Variants in FAM50B observed in about 807,000 individuals in gnomAD.
The protein encoded by FAM50B is protein FAM50B.
Under a neutral mutation model 25.4 loss-of-function variants are expected in FAM50B, and 9 were observed. The observed-to-expected ratio is 0.35, with a 90% CI of 0.21 to 0.62. FAM50B has a LOEUF of 0.62. Ranked by LOEUF, FAM50B falls within the 20% of genes least tolerant of loss-of-function variation. FAM50B has a pLI of 0.73. For missense variants in FAM50B, 372 were observed against 477.9 expected (o/e 0.78, Z 2.07); for synonymous variants, 212 against 204.3 (o/e 1.04, Z -0.32).
chr6:3,842,195 G>A, the FAM50B span, among the ~76,000 whole-genome samples: 662 of 152,382 alleles, frequency 4.3e-3, 7 homozygotes, highest in African/African-American at 0.015. Context: ...GCTAAGGGCA[G>A]TATTGAAAAC....
At chr6:3,834,224 A>C in the FAM50B span, among the ~76,000 whole-genome samples, 1 of 152,224 alleles carries the variant, frequency 6.6e-6, no homozygotes, top group South Asian at 2.1e-4. Flanking sequence ...GAGTGAGAAT[A>C]TGATATATTC....
upstream of FAM50B, among the ~76,000 whole-genome samples, chr6:3,846,621 T>C (rs1044816590): frequency 6.6e-6 from 1 of 152,240 alleles, no homozygotes; most frequent in African/African-American, 2.4e-5. Context: ...TAACATGTAA[T>C]GCTGTTTGAA....
In FAM50B at chr6:3,850,498, C is replaced by T. The variant is rs763167959; in HGVS notation, c.687C>T (p.Ser229=). The T allele has an allele frequency of 3.1e-6, 5 of 1,613,548 alleles. No homozygotes were observed. Among genetic ancestry groups the T allele is most frequent in the African/African-American group, 1.3e-5 (1 of 74,940 alleles). ...GCAAGGACTTCCTGGAGCTGCGCTCCGCCGGCGTGGAGCAGCTCATGTTCA... is the reference window on the plus strand; with the variant it reads ...GCAAGGACTTCCTGGAGCTGCGCTCTGCCGGCGTGGAGCAGCTCATGTTCA... ...GLRKDFLELR[S]AGVEQLMFIK... Residue 229 remains serine, a synonymous_variant, in exon 2 of 2, where the codon TCC becomes TCT. Coordinates refer to ENST00000648326, the MANE Select transcript of FAM50B (RefSeq NM_012135.3).
the FAM50B span, among the ~76,000 whole-genome samples, chr6:3,837,396 TA>T: frequency 6.6e-6 from 1 of 151,964 alleles, no homozygotes; most frequent in South Asian, 2.1e-4. Context: ...ACAACCCAAT[TA>T]AAAAATGAAC....
chr6:3,849,568 G>A (rs558858523), intron 1 of FAM50B, 82 bp downstream of exon 1: 32 of 604,644 alleles, frequency 5.3e-5, no homozygotes, highest in Middle Eastern at 4.7e-4. Context: ...GCAGCCACCC[G>A]TTACGTGGGG....
Position 3,850,946 on chromosome 6 carries a change from T to A in FAM50B, c.*157T>A. 8.0e-7 allele frequency: 1 copy of A among 1,249,744 alleles called. No individual in the cohort carries two copies. Among genetic ancestry groups the A allele is most frequent in the Non-Finnish European group, 1.1e-6 (1 of 916,022 alleles). 77.4% of individuals were successfully genotyped at this position (1,249,744 alleles called of 1,614,324 possible). On this transcript the variant is annotated 3_prime_UTR_variant, in exon 2 of 2. Transcript: ENST00000648326. ...ACATTGGTTGTGCTATTGCTGATGT[T>A]ATGCTTTGGTTGCTTGGTTGGTCTT...
chr6:3,841,780 G>T, the FAM50B span, among the ~76,000 whole-genome samples: 1 of 152,214 alleles, frequency 6.6e-6, no homozygotes, highest in Non-Finnish European at 1.5e-5. Context: ...GTGCCAAGAA[G>T]TTGTTGCCTC....
Position 3,850,083 on chromosome 6 carries a change from G to A in FAM50B, c.272G>A (p.Arg91His), listed in dbSNP as rs747333793. 3.1e-6 allele frequency: 5 copies of A among 1,609,902 alleles called. No individual in the cohort carries two copies. In the African/African-American group the frequency reaches 6.7e-5, roughly 22 times the overall value. Residue 91 changes from arginine (R) to histidine (H), a missense_variant, in exon 2 of 2, where the codon CGC becomes CAC. This residue lies in a region of FAM50B where 224 missense variants were observed against 232.2 expected (regional missense o/e 0.96). Coordinates refer to ENST00000648326, the MANE Select transcript of FAM50B (RefSeq NM_012135.3). ...GAGCGCGAGCGGCAGCTGGCCAAGC[G>A]CCAGCACCTGGAGGAGCAGCGGCTG... ...VRERERQLAKRQHLEEQRLQQ... is the reference protein window; with the variant it reads ...VRERERQLAKHQHLEEQRLQQ...
the FAM50B span, among the ~76,000 whole-genome samples, chr6:3,834,104 G>A: frequency 6.6e-6 from 1 of 151,808 alleles, no homozygotes; most frequent in African/African-American, 2.4e-5. Flanking sequence ...GGAAAAAATT[G>A]GTACCGACTG....
At chr6:3,846,114 T>G (rs1032262436), upstream of FAM50B, among the ~76,000 whole-genome samples, 1 of 152,144 alleles carries the variant, frequency 6.6e-6, no homozygotes, top group African/African-American at 2.4e-5. Flanking sequence ...AACAAAGAGA[T>G]TCTGATGTGG....
At position 3,850,209 on chromosome 6, in the gene FAM50B, C is replaced by A; in HGVS notation, c.398C>A (p.Ala133Glu). 1 of 1,613,364 alleles carries A rather than the reference C, an allele frequency of 6.2e-7. No homozygotes were observed. The highest frequency in any genetic ancestry group is 8.5e-7 in the Non-Finnish European group (1 of 1,179,874). ...GACGACCTCGATGACCAGGCCGACG[C>A]GGCCGAGGCCAGGCGCGCCGGAAAC... The part of the protein sequence containing the change: ...ALDDLDDQAD[A>E]AEARRAGNLG... The change falls in exon 2 of 2, where the codon GCG (alanine) becomes GAG (glutamate). Residue 133 changes from alanine (A) to glutamate (E), a missense_variant. Ala to Glu is a moderately radical substitution (Grantham distance 107, BLOSUM62 -1). Around this residue, in one of 4 missense-constraint regions of FAM50B, gnomAD observed 224 missense variants for 232.2 expected, o/e 0.96. Coordinates refer to ENST00000648326, the MANE Select transcript of FAM50B (RefSeq NM_012135.3).
upstream of FAM50B, among the ~76,000 whole-genome samples, chr6:3,847,320 G>A (rs1039181588): frequency 5.9e-5 from 9 of 152,194 alleles, no homozygotes; most frequent in African/African-American, 1.4e-4. Flanking sequence ...GGTAGCCTCC[G>A]TCATCAGTGC....
chr6:3,838,099 TAAAC>T, the FAM50B span, among the ~76,000 whole-genome samples: 1 of 152,212 alleles, frequency 6.6e-6, no homozygotes, highest in Non-Finnish European at 1.5e-5. Context: ...TTTATTAAGT[TAAAC>T]AAAGACTTAC....
In FAM50B at chr6:3,850,896, TAA is replaced by T. The variant is rs1581305561; in HGVS notation, c.*109_*110del. ...CCTTGATTTCTTCCCCCAAATTTAATAAAGACAGAGGGTTCTCATGATTCACA... is the reference window on the plus strand; with the variant it reads ...CCTTGATTTCTTCCCCCAAATTTAATAGACAGAGGGTTCTCATGATTCACA... On this transcript the variant is annotated 3_prime_UTR_variant, in exon 2 of 2. Coordinates refer to ENST00000648326, the MANE Select transcript of FAM50B (RefSeq NM_012135.3). 6.7e-7 allele frequency: 1 copy of T among 1,485,030 alleles called. No individual in the cohort carries two copies. The highest frequency in any genetic ancestry group is 2.3e-5 in the East Asian group (1 of 43,020). The allele number at this position is 1,485,030 out of a possible 1,614,324, so 92.0% of individuals were successfully genotyped here. A position where few individuals can be genotyped will look rare whatever the true frequency, so the allele number is the denominator to read the frequency against.
the FAM50B span, among the ~76,000 whole-genome samples, chr6:3,842,335 C>T: frequency 6.6e-6 from 1 of 152,188 alleles, no homozygotes; most frequent in Non-Finnish European, 1.5e-5. Flanking sequence ...AAGAAGGGTC[C>T]TGGAAAAACT....
chr6:3,834,779 A>G, the FAM50B span, among the ~76,000 whole-genome samples: 6 of 152,320 alleles, frequency 3.9e-5, no homozygotes, highest in African/African-American at 1.4e-4. Flanking sequence ...GGAACCATTA[A>G]AAAAGATCAG....
Position 3,850,077 on chromosome 6 carries a change from C to T in FAM50B, c.266C>T (p.Ala89Val), listed in dbSNP as rs1269453279. The T allele has an allele frequency of 2.5e-6, 4 of 1,610,114 alleles. No individual in the cohort carries two copies. Among genetic ancestry groups the T allele is most frequent in the Non-Finnish European group, 3.4e-6 (4 of 1,178,644 alleles). ...GTCAGGGAGCGCGAGCGGCAGCTGG[C>T]CAAGCGCCAGCACCTGGAGGAGCAG... ...ALVRERERQL[A>V]KRQHLEEQRL... The change falls in exon 2 of 2, where the codon GCC becomes GTC. Residue 89 changes from alanine to valine, a missense_variant. Physicochemically the swap from Ala to Val is moderately conservative, Grantham distance 64. This residue lies in a region of FAM50B where 224 missense variants were observed against 232.2 expected (regional missense o/e 0.96). Transcript: ENST00000648326.
upstream of FAM50B, among the ~76,000 whole-genome samples, chr6:3,849,169 G>A (rs1581303015): frequency 6.6e-6 from 1 of 152,186 alleles, no homozygotes; most frequent in East Asian, 1.9e-4. Flanking sequence ...GCTGGGCAGG[G>A]CCAGAAGCGC....
At chr6:3,836,656 G>A in the FAM50B span, among the ~76,000 whole-genome samples, 1 of 152,208 alleles carries the variant, frequency 6.6e-6, no homozygotes, top group Non-Finnish European at 1.5e-5. Context: ...CTTAGGAACA[G>A]TGTGTCTGAA....
Sources: gnomAD v4.1 joint callset for allele counts (sites outside exome capture counted in the v4.1 genomes callset) on GRCh38, gnomAD v4.1.1 for gene constraint, gnomAD v4.1.1 regional missense constraint, MANE v1.5 for transcripts, NCBI Gene and HGNC (gene_info 2026-07-23, HGNC 2026-07-21) for gene names.